CRB1: variants seen among roughly 807,000 people sequenced by gnomAD.
CRB1 encodes protein crumbs homolog 1.
A neutral mutation model predicts 120.0 loss-of-function variants in CRB1; 83 were observed. That is an observed-to-expected ratio of 0.69 (90% confidence interval 0.58 to 0.83). The LOEUF (loss-of-function observed/expected upper bound fraction) is 0.83, where lower values mean the gene tolerates loss of function less well. Ranked by LOEUF, CRB1 falls within the 40% of genes least tolerant of loss-of-function variation. The pLI, the probability that CRB1 is intolerant of heterozygous loss-of-function variation, is 0.00. For missense variants in CRB1, 1,699 were observed against 1,687.6 expected, an observed-to-expected ratio of 1.01 and a Z score of -0.12; for synonymous variants, 625 against 612.5, an observed-to-expected ratio of 1.02 and a Z score of -0.30.
chr1:197,419,835 C>T (rs1026585440), intron 5 of CRB1, among the ~76,000 whole-genome samples: 1 of 147,672 alleles, frequency 6.8e-6, no homozygotes, highest in Non-Finnish European at 1.5e-5. Flanking sequence ...ATTAACCAGG[C>T]GTGGTGGCGG....
chr1:197,391,115 A>G (rs553353809), intron 5 of CRB1, among the ~76,000 whole-genome samples: 1 of 152,104 alleles, frequency 6.6e-6, no homozygotes, highest in East Asian at 1.9e-4. Context: ...GAGACCAGAA[A>G]CACAATTCCT....
rs1664679702 is a variant in CRB1, at chr1:197,427,907, A to C, written c.2582A>C (p.Asn861Thr). 6 of 1,614,036 alleles carry C rather than the reference A, an allele frequency of 3.7e-6. No individual in the cohort carries two copies. Among genetic ancestry groups the C allele is most frequent in the Non-Finnish European group, 5.1e-6 (6 of 1,179,964 alleles). The change falls in exon 7 of 12, where the codon AAT becomes ACT. Residue 861 changes from asparagine (N) to threonine (T), a missense_variant. By Grantham distance (65) the Asn-to-Thr change is moderately conservative (BLOSUM62 0). Transcript: ENST00000367400. ...CAAGATGTAAGACTAAACAACCAAA[A>C]TCTGGAATTCTTTCCAAATCCAACA... ...CIQDVRLNNQNLEFFPNPTNN... is the reference protein window; with the variant it reads ...CIQDVRLNNQTLEFFPNPTNN...
the CRB1 span, among the ~76,000 whole-genome samples, chr1:197,209,694 C>T: frequency 6.6e-6 from 1 of 152,184 alleles, no homozygotes. Context: ...TTTCCAAAAA[C>T]CCGTGTGAGA....
At chr1:197,364,117 G>A in intron 5 of CRB1, 1 of 907,402 alleles carries the variant, frequency 1.1e-6, no homozygotes, top group Non-Finnish European at 1.7e-6. Context: ...TGAGGCTTGT[G>A]GATGGGACAC....
chr1:197,457,787 T>TTTTGTATTGTTGATTGTTTA (rs1666352217), intron 11 of CRB1, among the ~76,000 whole-genome samples: 1 of 152,158 alleles, frequency 6.6e-6, no homozygotes, highest in Admixed American at 6.6e-5. Context: ...TGACATGTTT[T>TTTTGTATTGTTGATTGTTTA]TTTGTATTGT....
Position 197,313,502 on chromosome 1 carries a change from A to G in CRB1, c.71-14920A>G, listed in dbSNP as rs74363737. On this transcript the variant is annotated intron_variant, in intron 1 of 11. Transcript: ENST00000367400. ...GCTATCTAAAAATATGCAGTAAATT[A>G]TGGTTAATTATAATATCCCTTATTT... Among the ~76,000 whole-genome samples, 823 of 152,324 alleles carry G rather than the reference A, an allele frequency of 5.4e-3. 10 individuals carry two copies. The highest frequency in any genetic ancestry group is 0.019 in the African/African-American group (791 of 41,582).
At chr1:197,407,019 C>T (rs1294783549) in intron 5 of CRB1, among the ~76,000 whole-genome samples, 4 of 152,180 alleles carry the variant, frequency 2.6e-5, no homozygotes, top group Non-Finnish European at 5.9e-5. Context: ...AACACCTCCT[C>T]TCTCTTCCAT....
intron 10 of CRB1, 114 bp downstream of exon 10, chr1:197,438,789 G>A: frequency 2.2e-6 from 3 of 1,349,326 alleles, no homozygotes; most frequent in East Asian, 2.4e-5. Context: ...GAAAATCTAT[G>A]CTGAAATAGA....
At position 197,454,359 on chromosome 1, in the gene CRB1, G is replaced by T. The variant is rs143327257; in HGVS notation, c.4005+12067G>T. On this transcript the variant is annotated intron_variant, in intron 11 of 11. Transcript: ENST00000367400. ...AATTGTTCATAAATGTTATTTTGATGCATTATCAAGCACCAAAATTAGGTC... is the reference window on the plus strand; with the variant it reads ...AATTGTTCATAAATGTTATTTTGATTCATTATCAAGCACCAAAATTAGGTC... Among the ~76,000 whole-genome samples the T allele has an allele frequency of 1.3e-3, 194 of 152,138 alleles. 1 individual carries two copies. Among genetic ancestry groups the T allele is most frequent in the African/African-American group, 4.2e-3 (175 of 41,510 alleles).
intron 1 of CRB1, among the ~76,000 whole-genome samples, chr1:197,283,688 A>G (rs1156890493): frequency 1.3e-5 from 2 of 151,828 alleles, no homozygotes; most frequent in Admixed American, 6.6e-5. Context: ...TTTAATAGCA[A>G]TTATCACTGG....
intron 1 of CRB1, among the ~76,000 whole-genome samples, chr1:197,294,959 G>A (rs1212209873): frequency 2.0e-5 from 3 of 152,078 alleles, no homozygotes; most frequent in Non-Finnish European, 2.9e-5. Context: ...TAATGTAAAT[G>A]ACGAGTTAAT....
chr1:197,453,663 A>G (rs1666098863), intron 11 of CRB1, among the ~76,000 whole-genome samples: 6 of 144,580 alleles, frequency 4.1e-5, no homozygotes, highest in Admixed American at 3.6e-4. Context: ...TGCAGCCTCA[A>G]ACTTCTAGGT....
chr1:197,473,350 A>G (rs766471322), intron 11 of CRB1, among the ~76,000 whole-genome samples: 8 of 152,188 alleles, frequency 5.3e-5, no homozygotes, highest in Non-Finnish European at 1.2e-4. Flanking sequence ...GCATACAATA[A>G]TCAGGATGGA....
chr1:197,414,855 C>T (rs1011673126), intron 5 of CRB1, among the ~76,000 whole-genome samples: 3 of 152,044 alleles, frequency 2.0e-5, no homozygotes, highest in East Asian at 1.9e-4. Flanking sequence ...ATATGTTGGA[C>T]TTTATTTTAC....
chr1:197,467,020 C>T (rs1666776240), intron 11 of CRB1, among the ~76,000 whole-genome samples: 1 of 151,946 alleles, frequency 6.6e-6, no homozygotes, highest in South Asian at 2.1e-4. Context: ...GGAGATAAGA[C>T]CATCAATGAG....
At position 197,435,011 on chromosome 1, in the gene CRB1, A is replaced by G. The variant is rs1312231109; in HGVS notation, c.3148A>G (p.Arg1050Gly). The G allele has an allele frequency of 6.2e-7, 1 of 1,613,844 alleles. No homozygotes were observed. Among genetic ancestry groups the G allele is most frequent in the African/African-American group, 1.3e-5 (1 of 74,900 alleles). ...SMTDPLSQTSRWQMEVDNETP... is the reference protein window; with the variant it reads ...SMTDPLSQTSGWQMEVDNETP... ...GACAGACCCACTGTCCCAGACCTCC[A>G]GGTGGCAAATGGAAGTGGACAACGA... Residue 1050 changes from arginine to glycine, a missense_variant, in exon 9 of 12, where the codon AGG becomes GGG. Arg to Gly is a moderately radical substitution (Grantham distance 125). Coordinates refer to ENST00000367400, the MANE Select transcript of CRB1 (RefSeq NM_201253.3).
At chr1:197,373,699 T>A (rs1661496166) in intron 5 of CRB1, among the ~76,000 whole-genome samples, 1 of 152,066 alleles carries the variant, frequency 6.6e-6, no homozygotes, top group Non-Finnish European at 1.5e-5. Flanking sequence ...GAGTCAGAAA[T>A]CTTCAGGATT....
Position 197,353,795 on chromosome 1 carries a change from C to T in CRB1, c.989-3036C>T, listed in dbSNP as rs551418186. The stretch of plus-strand genomic sequence containing the variant: ...CACCCTGGGCTACAGAGTGAGACTC[C>T]GTCTCAAAAATATATAAATAAAAAA... On this transcript the variant is annotated intron_variant, in intron 4 of 11. Transcript: ENST00000367400. Among the ~76,000 whole-genome samples, 12 of 139,490 alleles carry T rather than the reference C, an allele frequency of 8.6e-5. 1 individual carries two copies. Among genetic ancestry groups the T allele is most frequent in the African/African-American group, 2.2e-4 (8 of 35,762 alleles). 91.5% of individuals were successfully genotyped at this position (139,490 alleles called of 152,430 possible).
chr1:197,353,840 T>G (rs1446395816), intron 4 of CRB1, among the ~76,000 whole-genome samples: 2 of 146,358 alleles, frequency 1.4e-5, no homozygotes, highest in African/African-American at 5.0e-5. Context: ...AAAAAAAACT[T>G]TATACATTTC....
Sources: allele counts gnomAD v4.1 joint callset (sites outside exome capture counted in the v4.1 genomes callset), GRCh38; gene constraint gnomAD v4.1.1; transcripts MANE v1.5; gene names NCBI Gene and HGNC (gene_info 2026-07-23, HGNC 2026-07-21).